Variants in CFAP46 observed in about 807,000 individuals in gnomAD.
The protein encoded by CFAP46 is cilia and flagella associated protein 46.
CFAP46 carries 245 observed loss-of-function variants against 325.7 expected under a neutral mutation model. The observed-to-expected ratio is 0.75, with a 90% CI of 0.68 to 0.84. The LOEUF is 0.84. CFAP46 is among the 40% of genes least tolerant of loss of function. The pLI is 0.00. For missense variants in CFAP46, 3,346 were observed against 3,543.0 expected, an observed-to-expected ratio of 0.94 and a Z score of 1.41; for synonymous variants, 1,523 against 1,495.9, an observed-to-expected ratio of 1.02 and a Z score of -0.42.
At chr10:132,844,009 T>C (rs1303022183) in intron 44 of CFAP46, among the ~76,000 whole-genome samples, 5 of 114,950 alleles carry the variant, frequency 4.3e-5, no homozygotes, top group South Asian at 3.9e-4. Flanking sequence ...CAGGGTGCTG[T>C]GGGGCTCTGG....
rs957224825 is a variant in CFAP46, at chr10:132,869,610, C to A, written c.4512-238G>T. ...TCACAGATCTCGTGCGAGGCATTAT[C>A]TGTTGCCTCCTGGACGCCGTCCGAG... On this transcript the variant is annotated intron_variant, in intron 32 of 57. Coordinates refer to ENST00000368586, the MANE Select transcript of CFAP46 (RefSeq NM_001200049.3). This position sits in a 1 kb window ranked among gnomAD's most constrained non-coding sequence, Gnocchi z 6.2. Among the ~76,000 whole-genome samples the A allele has an allele frequency of 7.2e-5, 11 of 152,210 alleles. No individual in the cohort carries two copies. The highest frequency in any genetic ancestry group is 1.5e-4 in the Non-Finnish European group (10 of 68,040).
intron 22 of CFAP46, among the ~76,000 whole-genome samples, chr10:132,900,644 G>A (rs1849381080): frequency 6.6e-6 from 1 of 152,260 alleles, no homozygotes; most frequent in African/African-American, 2.4e-5. Context: ...GCAAGCCGGT[G>A]GTCTGAAGCT....
intron 19 of CFAP46, among the ~76,000 whole-genome samples, chr10:132,911,369 C>G (rs1214823423): frequency 6.6e-6 from 1 of 152,210 alleles, no homozygotes; most frequent in African/African-American, 2.4e-5. Context: ...TCAAGACTCT[C>G]CAGCCCGCGG....
intron 43 of CFAP46, 81 bp from the exon 44 acceptor site, chr10:132,846,308 G>A: frequency 6.8e-7 from 1 of 1,479,822 alleles, no homozygotes; most frequent in Non-Finnish European, 9.1e-7. Context: ...GTGCGCAGCA[G>A]CTGCAGCCTG....
At chr10:132,845,917 T>C in intron 44 of CFAP46, 140 bp downstream of exon 44, 1 of 951,402 alleles carries the variant, frequency 1.1e-6, no homozygotes, top group Non-Finnish European at 1.5e-6. Context: ...TGCACATGGC[T>C]GGGGGCACGG....
intron 27 of CFAP46, among the ~76,000 whole-genome samples, chr10:132,882,924 T>A (rs1591070303): frequency 6.6e-6 from 1 of 151,830 alleles, no homozygotes; most frequent in Non-Finnish European, 1.5e-5. Flanking sequence ...TCAACAGAAG[T>A]GCGGGGCCAG....
intron 31 of CFAP46, among the ~76,000 whole-genome samples, chr10:132,873,233 T>G (rs1176690013): frequency 3.3e-5 from 5 of 152,258 alleles, no homozygotes; most frequent in East Asian, 1.9e-4. Flanking sequence ...CTTCTTATTA[T>G]GTTGGACTTG....
chr10:132,872,750 G>T lies in CFAP46; in HGVS notation c.4437C>A (p.Pro1479=), dbSNP rs1044404057. The part of the protein sequence containing the change: ...QKMCLHELTV[P]VLQLGVLISD... ...AAATCAGCACCCCCAACTGCAGGAC[G>T]GGAACCGTGAGTTCGTGCAGGCACA... is the stretch of plus-strand genomic sequence containing the variant. The change falls in exon 32 of 58, where the codon CCC becomes CCA. Residue 1479 remains proline (P), a synonymous_variant. Coordinates refer to ENST00000368586, the MANE Select transcript of CFAP46 (RefSeq NM_001200049.3). The T allele has an allele frequency of 1.9e-6, 3 of 1,550,912 alleles. No individual in the cohort carries two copies. Among genetic ancestry groups the T allele is most frequent in the African/African-American group, 1.4e-5 (1 of 73,182 alleles).
At chr10:132,841,396 G>A (rs556493164) in intron 44 of CFAP46, among the ~76,000 whole-genome samples, 26 of 152,356 alleles carry the variant, frequency 1.7e-4, no homozygotes, top group Admixed American at 1.3e-3. Flanking sequence ...GCCTCTGGAC[G>A]CAGGGGCTGG....
Position 132,848,836 on chromosome 10 carries a change from G to A in CFAP46, c.5952+1408C>T, listed in dbSNP as rs143790682. ...CGCGCCTTAATTTTCTGGGTTGTGA[G>A]ACGATGGACAACGAGCTCGGATAAC... On this transcript the variant is annotated intron_variant, in intron 41 of 57. Transcript: ENST00000368586. Among the ~76,000 whole-genome samples the A allele has an allele frequency of 1.6e-3, 237 of 152,268 alleles. 1 individual carries two copies. The highest frequency in any genetic ancestry group is 0.011 in the South Asian group (55 of 4,818).
At position 132,872,762 on chromosome 10, in the gene CFAP46, T is replaced by G. The variant is rs1186406150; in HGVS notation, c.4425A>C (p.Glu1475Asp). The G allele has an allele frequency of 6.4e-7, 1 of 1,550,928 alleles. No individual in the cohort carries two copies. Among genetic ancestry groups the G allele is most frequent in the East Asian group, 2.4e-5 (1 of 40,918 alleles). Residue 1475 changes from glutamate (E) to aspartate (D), a missense_variant, in exon 32 of 58, where the codon GAA (glutamate) becomes GAC (aspartate). Physicochemically the swap from Glu to Asp is conservative, Grantham distance 45. Transcript: ENST00000368586. ...VKALQKMCLHELTVPVLQLGV... is the reference protein window; with the variant it reads ...VKALQKMCLHDLTVPVLQLGV... ...CCAACTGCAGGACGGGAACCGTGAG[T>G]TCGTGCAGGCACATCTTCTGCAGGG...
chr10:132,869,149 A>C lies in CFAP46; in HGVS notation c.4610+125T>G. On this transcript the variant is annotated intron_variant, in intron 33 of 57. Transcript: ENST00000368586. The surrounding 1 kb of genome is among the most constrained non-coding windows in gnomAD (Gnocchi z 6.2). ...AGAACCGGCCACAGCCGTGTCCCCCAAGTGCTCACTCTCCCCAGAGGGGCA... is the reference window on the plus strand; with the variant it reads ...AGAACCGGCCACAGCCGTGTCCCCCCAGTGCTCACTCTCCCCAGAGGGGCA... 1 of 678,256 alleles carries C rather than the reference A, an allele frequency of 1.5e-6. No homozygotes were observed. Among genetic ancestry groups the C allele is most frequent in the Non-Finnish European group, 2.3e-6 (1 of 444,112 alleles). The allele number at this position is 678,256 out of a possible 1,614,324, so 42.0% of individuals were successfully genotyped here.
At chr10:132,810,877 T>C (rs1847566586) in intron 56 of CFAP46, 73 bp downstream of exon 56, 1 of 1,392,710 alleles carries the variant, frequency 7.2e-7, no homozygotes, top group South Asian at 1.2e-5. Flanking sequence ...TCCTCCCTTG[T>C]GGGTCCCACG....
At chr10:132,853,756 A>T (rs1372265455) in intron 39 of CFAP46, among the ~76,000 whole-genome samples, 1 of 152,222 alleles carries the variant, frequency 6.6e-6, no homozygotes, top group Admixed American at 6.5e-5. Context: ...CATGCTTTCA[A>T]GGAATTTTTC....
At chr10:132,818,819 A>C (rs1847742974) in intron 50 of CFAP46, among the ~76,000 whole-genome samples, 1 of 151,146 alleles carries the variant, frequency 6.6e-6, no homozygotes, top group Non-Finnish European at 1.5e-5. Context: ...GCGCCACTGC[A>C]CTCTAGCCTG....
chr10:132,936,299 C>CAT (rs1850004073), intron 7 of CFAP46, among the ~76,000 whole-genome samples: 1 of 88,690 alleles, frequency 1.1e-5, no homozygotes, highest in Non-Finnish European at 2.2e-5. Flanking sequence ...CCCCTCGGCA[C>CAT]CCAAACACAC....
At chr10:132,937,139 C>CAGTA in intron 6 of CFAP46, 84 bp from the exon 7 acceptor site, 1 of 804,300 alleles carries the variant, frequency 1.2e-6, no homozygotes, top group Non-Finnish European at 1.8e-6. Context: ...TTTATTTTCT[C>CAGTA]ATTAATTTTG....
At chr10:132,929,511 C>A (rs986583554) in intron 9 of CFAP46, 194 bp downstream of exon 9, 3 of 782,126 alleles carry the variant, frequency 3.8e-6, no homozygotes, top group Non-Finnish European at 7.2e-6. Context: ...GAGAAACGGG[C>A]AGGTGTAAAA....
At chr10:132,910,108 A>C in intron 19 of CFAP46, 40 bp from the exon 20 acceptor site, 2 of 1,370,920 alleles carry the variant, frequency 1.5e-6, no homozygotes, top group South Asian at 3.5e-5. Context: ...CCTGAATTCT[A>C]AACAGGGGAC....
Sources: gnomAD v4.1 joint callset for allele counts (sites outside exome capture counted in the v4.1 genomes callset) on GRCh38, gnomAD v4.1.1 for gene constraint, Gnocchi (gnomAD v3.1) non-coding constraint, MANE v1.5 for transcripts, NCBI Gene and HGNC (gene_info 2026-07-23, HGNC 2026-07-21) for gene names.